TIAL1: variants seen among roughly 807,000 people sequenced by gnomAD.
TIAL1 encodes the protein TIA1 cytotoxic granule associated RNA binding protein like 1.
In TIAL1, 7 loss-of-function variants were observed where a neutral mutation model predicts 59.7. The ratio of observed to expected loss-of-function variants is 0.12; its 90% confidence interval spans 0.07 to 0.22. TIAL1 has a LOEUF of 0.22. Ranked by LOEUF, TIAL1 falls within the 10% of genes least tolerant of loss-of-function variation. The pLI, the probability that TIAL1 is intolerant of heterozygous loss-of-function variation, is 1.00. For missense variants in TIAL1, 225 were observed against 462.5 expected (o/e 0.49, Z 4.71); for synonymous variants, 149 against 146.3 (o/e 1.02, Z -0.13).
At chr10:119,587,338 C>T (rs764417859) in intron 2 of TIAL1, among the ~76,000 whole-genome samples, 9 of 152,202 alleles carry the variant, frequency 5.9e-5, no homozygotes, top group Non-Finnish European at 1.0e-4. Context: ...ATCCCTTCTT[C>T]CCTCAATTCC....
Position 119,596,482 on chromosome 10 carries a change from C to A in TIAL1, c.-17G>T, listed in dbSNP as rs1433863917. ...TTCCATCATGGTGGGTGCGACGGAG[C>A]GATCCCGGGACAAGGGGGAGGGCAG... On this transcript the variant is annotated 5_prime_UTR_variant, in exon 1 of 12. Coordinates refer to ENST00000436547, the MANE Select transcript of TIAL1 (RefSeq NM_003252.4). 21 of 1,460,412 alleles carry A rather than the reference C, an allele frequency of 1.4e-5. No individual in the cohort carries two copies. The highest frequency in any genetic ancestry group is 1.8e-5 in the Non-Finnish European group (20 of 1,091,028). 90.5% of individuals were successfully genotyped at this position (1,460,412 alleles called of 1,614,324 possible).
chr10:119,582,022 C>T lies in TIAL1; in HGVS notation c.284-13G>A. The T allele has an allele frequency of 6.2e-7, 1 of 1,612,258 alleles. No homozygotes were observed. Among genetic ancestry groups the T allele is most frequent in the Non-Finnish European group, 8.5e-7 (1 of 1,178,662 alleles). On this transcript the variant is annotated splice_polypyrimidine_tract_variant and intron_variant, in intron 4 of 11. Coordinates refer to ENST00000436547, the MANE Select transcript of TIAL1 (RefSeq NM_003252.4). The surrounding 1 kb of genome is among the most constrained non-coding windows in gnomAD (Gnocchi z 5.1). ...ACATGGAAGTGATCTGAAATCAGAGCATTTGGTAATCAAATACTTAAGAAG... is the reference window on the plus strand; with the variant it reads ...ACATGGAAGTGATCTGAAATCAGAGTATTTGGTAATCAAATACTTAAGAAG...
intron 5 of TIAL1, 42 bp from the exon 6 acceptor site, chr10:119,580,052 C>G: frequency 6.6e-7 from 1 of 1,525,214 alleles, no homozygotes; most frequent in Non-Finnish European, 8.9e-7. Flanking sequence ...GTAAGAGCCA[C>G]CCTCAAAATA....
chr10:119,577,463 T>A lies in TIAL1; in HGVS notation c.725A>T (p.Tyr242Phe). The change falls in exon 9 of 12, where the codon TAT becomes TTT. Residue 242 changes from tyrosine to phenylalanine, a missense_variant. Physicochemically the swap from Tyr to Phe is conservative, Grantham distance 22. This residue lies in a region of TIAL1 where 80 missense variants were observed against 158.8 expected (regional missense o/e 0.50). Transcript: ENST00000436547. ...AGTAGAGTGTTACCTGACAAATGAA[T>A]AGCCCTTTTCTGGGAAAACTCTTAT... ...MEIRVFPEKGYSFVRFSTHES... is the reference protein window; with the variant it reads ...MEIRVFPEKGFSFVRFSTHES... The A allele has an allele frequency of 6.2e-7, 1 of 1,612,866 alleles. No homozygotes were observed. Among genetic ancestry groups the A allele is most frequent in the Non-Finnish European group, 8.5e-7 (1 of 1,179,108 alleles).
intron 1 of TIAL1, among the ~76,000 whole-genome samples, chr10:119,591,146 G>C (rs1845863234): frequency 6.6e-6 from 1 of 152,202 alleles, no homozygotes; most frequent in South Asian, 2.1e-4. Context: ...GCTCACACCT[G>C]TAATCCTAAC....
At position 119,573,951 on chromosome 10, in the gene TIAL1, A is replaced by T. The variant is rs1174288454; in HGVS notation, c.*1714T>A. 1 of 152,470 alleles carries T rather than the reference A, an allele frequency of 6.6e-6. No individual in the cohort carries two copies. Among genetic ancestry groups the T allele is most frequent in the Admixed American group, 6.5e-5 (1 of 15,278 alleles). 9.4% of individuals were successfully genotyped at this position (152,470 alleles called of 1,614,324 possible). ...TAATACCAAAATTATTGTGACCACC[A>T]ATTTATAAAATCATTATTTTAAAGC... On this transcript the variant is annotated 3_prime_UTR_variant, in exon 12 of 12. Coordinates refer to ENST00000436547, the MANE Select transcript of TIAL1 (RefSeq NM_003252.4).
chr10:119,582,610 T>C lies in TIAL1; in HGVS notation c.130-53A>G. On this transcript the variant is annotated intron_variant, in intron 2 of 11. Coordinates refer to ENST00000436547, the MANE Select transcript of TIAL1 (RefSeq NM_003252.4). The surrounding 1 kb of genome is among the most constrained non-coding windows in gnomAD (Gnocchi z 5.1). ...GTTGACCCTTCTGCTATCGGGTTGC[T>C]GAGAAGAAAATCCAGGAAAAAACAT... is the stretch of plus-strand genomic sequence containing the variant. 1 of 1,594,180 alleles carries C rather than the reference T, an allele frequency of 6.3e-7. No individual in the cohort carries two copies.
intron 2 of TIAL1, among the ~76,000 whole-genome samples, chr10:119,584,095 T>C (rs558044589): frequency 1.3e-5 from 2 of 152,280 alleles, no homozygotes; most frequent in East Asian, 3.9e-4. Context: ...TCCCATACAC[T>C]TTAGGAAACT....
intron 7 of TIAL1, among the ~76,000 whole-genome samples, chr10:119,578,441 G>T (rs945118525): frequency 6.6e-6 from 1 of 151,814 alleles, no homozygotes; most frequent in Non-Finnish European, 1.5e-5. Context: ...CGTCAGCCTG[G>T]ACAACGTAAC....
chr10:119,581,902 G>T lies in TIAL1; in HGVS notation c.371+20C>A, dbSNP rs904778137. ...ATTCTGCCTATCATGACTGAGTGTA[G>T]TACTGATTATGATACTTACGATATT... On this transcript the variant is annotated intron_variant, in intron 5 of 11. Transcript: ENST00000436547. The T allele has an allele frequency of 1.2e-5, 19 of 1,566,946 alleles. No individual in the cohort carries two copies. The highest frequency in any genetic ancestry group is 1.6e-5 in the Non-Finnish European group (18 of 1,137,500).
chr10:119,589,579 C>G (rs548310576), intron 1 of TIAL1, among the ~76,000 whole-genome samples: 1 of 152,170 alleles, frequency 6.6e-6, no homozygotes, highest in Admixed American at 6.5e-5. Flanking sequence ...AAAACTAAGA[C>G]AAATCCAGGC....
intron 2 of TIAL1, among the ~76,000 whole-genome samples, chr10:119,583,846 G>A (rs1484853695): frequency 1.3e-5 from 2 of 152,174 alleles, no homozygotes; most frequent in African/African-American, 4.8e-5. Context: ...TTCTTAAGAG[G>A]TAAAGAAAGG....
chr10:119,593,609 G>A, intron 1 of TIAL1: 2 of 526,884 alleles, frequency 3.8e-6, no homozygotes, highest in Non-Finnish European at 4.9e-6. Context: ...AAACATACTG[G>A]CCACTTGAAA....
At chr10:119,579,883 C>T in intron 6 of TIAL1, 52 bp downstream of exon 6, 1 of 1,416,596 alleles carries the variant, frequency 7.1e-7, no homozygotes, top group Non-Finnish European at 9.5e-7. Flanking sequence ...CATTAAGTAA[C>T]TAATGACTAA....
intron 1 of TIAL1, among the ~76,000 whole-genome samples, chr10:119,594,161 T>C (rs1043494500): frequency 6.6e-6 from 1 of 151,686 alleles, no homozygotes; most frequent in Non-Finnish European, 1.5e-5. Flanking sequence ...AACAACAGAG[T>C]TAAGATGTTT....
In TIAL1 at chr10:119,582,791, G is replaced by A. The variant is rs896054987; in HGVS notation, c.130-234C>T. Among the ~76,000 whole-genome samples the A allele has an allele frequency of 2.4e-4, 37 of 152,054 alleles. No individual in the cohort carries two copies. Among genetic ancestry groups the A allele is most frequent in the African/African-American group, 8.9e-4 (37 of 41,412 alleles). On this transcript the variant is annotated intron_variant, in intron 2 of 11. Transcript: ENST00000436547. The surrounding 1 kb of genome is among the most constrained non-coding windows in gnomAD (Gnocchi z 5.1). ...AGCAGTTGTAGAATCATGAGCATCA[G>A]TATTAAATGAAAATAAAGAATTCTG...
chr10:119,577,001 T>A, intron 10 of TIAL1, 79 bp downstream of exon 10: 1 of 1,541,566 alleles, frequency 6.5e-7, no homozygotes, highest in Non-Finnish European at 8.8e-7. Flanking sequence ...ATTTTATTGT[T>A]CATTTTACAG....
chr10:119,581,909 T>C lies in TIAL1; in HGVS notation c.371+13A>G. On this transcript the variant is annotated intron_variant, in intron 5 of 11. Coordinates refer to ENST00000436547, the MANE Select transcript of TIAL1 (RefSeq NM_003252.4). Reference sequence around the variant, plus strand: ...CTATCATGACTGAGTGTAGTACTGATTATGATACTTACGATATTTTACCAA... The same window carrying C: ...CTATCATGACTGAGTGTAGTACTGACTATGATACTTACGATATTTTACCAA... The C allele has an allele frequency of 6.3e-7, 1 of 1,597,932 alleles. No individual in the cohort carries two copies. Among genetic ancestry groups the C allele is most frequent in the Non-Finnish European group, 8.6e-7 (1 of 1,165,514 alleles).
chr10:119,574,834 G>A lies in TIAL1; in HGVS notation c.*831C>T, dbSNP rs994307391. 5.2e-5 allele frequency: 8 copies of A among 152,552 alleles called. No individual in the cohort carries two copies. The allele number at this position is 152,552 out of a possible 1,614,324, so 9.4% of individuals were successfully genotyped here. A position where few individuals can be genotyped will look rare whatever the true frequency, so the allele number is the denominator to read the frequency against. Reference sequence around the variant, plus strand: ...ATAATTACATTGCTGCTACTTCTATGTTGAAGCATGCTTTTTAAACACTGT... The same window carrying A: ...ATAATTACATTGCTGCTACTTCTATATTGAAGCATGCTTTTTAAACACTGT... On this transcript the variant is annotated 3_prime_UTR_variant, in exon 12 of 12. Coordinates refer to ENST00000436547, the MANE Select transcript of TIAL1 (RefSeq NM_003252.4).
Sources: allele counts gnomAD v4.1 joint callset (sites outside exome capture counted in the v4.1 genomes callset), GRCh38; gene constraint gnomAD v4.1.1; regional missense constraint gnomAD v4.1.1; non-coding constraint Gnocchi (gnomAD v3.1); transcripts MANE v1.5; gene names NCBI Gene and HGNC (gene_info 2026-07-23, HGNC 2026-07-21).